Variants in UNG observed in about 807,000 individuals in gnomAD.
The protein encoded by UNG is uracil-DNA glycosylase.
Under a neutral mutation model 36.5 loss-of-function variants are expected in UNG, and 34 were observed. The observed-to-expected ratio is 0.93, with a 90% CI of 0.71 to 1.24. UNG has a LOEUF of 1.24. Among genes scored for constraint, UNG ranks in the 50% most tolerant of loss-of-function variants. The pLI, the probability that UNG is intolerant of heterozygous loss-of-function variation, is 0.00. For synonymous variants in UNG, 172 were observed against 157.8 expected, an observed-to-expected ratio of 1.09 and a Z score of -0.67; for missense variants, 391 against 397.6, an observed-to-expected ratio of 0.98 and a Z score of 0.14.
In UNG at chr12:109,109,971, C is replaced by A. The variant is rs767818599; in HGVS notation, c.*2C>A. 4.3e-5 allele frequency: 70 copies of A among 1,613,988 alleles called. No homozygotes were observed. In the East Asian group the frequency reaches 1.5e-3, roughly 35 times the overall value. On this transcript the variant is annotated 3_prime_UTR_variant, in exon 7 of 7. Transcript: ENST00000242576. ...CCCATTGACTGGAAGGAGCTGTGAT[C>A]ATCAGCTGAGGGGTGGCCTTTGAGA...
At position 109,103,481 on chromosome 12, in the gene UNG, A is replaced by G. The variant is rs1379801075; in HGVS notation, c.671A>G (p.Asn224Ser). Residue 224 changes from asparagine (N) to serine (S), a missense_variant, in exon 6 of 7, where the codon AAC becomes AGC. Physicochemically the swap from Asn to Ser is conservative, Grantham distance 46 (BLOSUM62 1). Transcript: ENST00000242576. ...AVLTVRAHQANSHKERGWEQF... is the reference protein window; with the variant it reads ...AVLTVRAHQASSHKERGWEQF... ...CTCACGGTTCGTGCCCATCAAGCCA[A>G]CTCTCATAAGGAGCGAGGCTGGGAG... 4 of 1,614,078 alleles carry G rather than the reference A, an allele frequency of 2.5e-6. No homozygotes were observed. The highest frequency in any genetic ancestry group is 1.7e-5 in the Admixed American group (1 of 60,018).
Position 109,102,870 on chromosome 12 carries a change from G to A in UNG, c.565G>A (p.Asp189Asn). Residue 189 changes from aspartate to asparagine, a missense_variant, in exon 5 of 7, where the codon GAC becomes AAC. Transcript: ENST00000242576. ...GAACATTTATAAAGAGTTGTCTACA[G>A]ACATAGAGGATTTTGTTCATCCTGG... ...LENIYKELSTDIEDFVHPGHG... is the reference protein window; with the variant it reads ...LENIYKELSTNIEDFVHPGHG... The A allele has an allele frequency of 6.2e-7, 1 of 1,612,472 alleles. No individual in the cohort carries two copies. Among genetic ancestry groups the A allele is most frequent in the Non-Finnish European group, 8.5e-7 (1 of 1,179,270 alleles).
chr12:109,099,415 C>T (rs989556200), intron 3 of UNG, 131 bp downstream of exon 3: 1 of 806,766 alleles, frequency 1.2e-6, no homozygotes, highest in Middle Eastern at 2.6e-4. Flanking sequence ...CGAGGTTTGG[C>T]TGACTGTATT....
Position 109,109,930 on chromosome 12 carries a change from G to A in UNG, c.903G>A (p.Gln301=), listed in dbSNP as rs774834342. ...TTTCAAAGACCAATGAGCTGCTGCAGAAGTCTGGCAAGAAGCCCATTGACT... is the reference window on the plus strand; with the variant it reads ...TTTCAAAGACCAATGAGCTGCTGCAAAAGTCTGGCAAGAAGCCCATTGACT... ...RHFSKTNELL[Q]KSGKKPIDWK... is the part of the protein sequence containing the mutation. The change falls in exon 7 of 7, where the codon CAG becomes CAA. Residue 301 remains glutamine, a synonymous_variant. Transcript: ENST00000242576. 1 of 1,614,184 alleles carries A rather than the reference G, an allele frequency of 6.2e-7. No individual in the cohort carries two copies. The highest frequency in any genetic ancestry group is 8.5e-7 in the Non-Finnish European group (1 of 1,180,050).
intron 6 of UNG, 116 bp downstream of exon 6, chr12:109,103,727 CTT>C (rs2042196799): frequency 3.2e-6 from 4 of 1,238,528 alleles, no homozygotes; most frequent in South Asian, 2.8e-5. Context: ...TATAAAATAA[CTT>C]TTATTTTCCC....
In UNG at chr12:109,098,483, C is replaced by T. The variant is rs2042150948; in HGVS notation, c.184C>T (p.Pro62Ser). ...PAGQEEPGTP[P>S]SSPLSAEQLD... ...TGGGCAGGAGGAGCCTGGGACGCCG[C>T]CCTCCTCGCCGCTGAGTGCCGAGCA... Residue 62 changes from proline (P) to serine (S), a missense_variant, in exon 2 of 7, where the codon CCC becomes TCC. Coordinates refer to ENST00000242576, the MANE Select transcript of UNG (RefSeq NM_080911.3). 1 of 1,612,260 alleles carries T rather than the reference C, an allele frequency of 6.2e-7. No homozygotes were observed. The highest frequency in any genetic ancestry group is 1.3e-5 in the African/African-American group (1 of 75,060).
In UNG at chr12:109,103,453, G is replaced by A. The variant is rs749923592; in HGVS notation, c.643G>A (p.Val215Ile). The stretch of plus-strand genomic sequence containing the variant: ...TATAGGTGTTCTCCTTCTCAACGCT[G>A]TCCTCACGGTTCGTGCCCATCAAGC... ...AKQGVLLLNA[V>I]LTVRAHQANS... is the part of the protein sequence containing the mutation. Residue 215 changes from valine to isoleucine, a missense_variant, in exon 6 of 7, where the codon GTC (valine) becomes ATC (isoleucine). Physicochemically the swap from Val to Ile is conservative, Grantham distance 29. Transcript: ENST00000242576. 6 of 1,614,130 alleles carry A rather than the reference G, an allele frequency of 3.7e-6. No homozygotes were observed. The South Asian group carries it at 6.6e-5, about 18-fold the overall frequency.
At chr12:109,098,160 C>A (rs990432252) in intron 1 of UNG, 7 of 1,366,812 alleles carry the variant, frequency 5.1e-6, no homozygotes, top group South Asian at 1.8e-5. Context: ...CTGGCGGGGG[C>A]GGGGCACCTC....
At chr12:109,106,825 C>T (rs149673619) in intron 6 of UNG, among the ~76,000 whole-genome samples, 4,377 of 110,752 alleles carry the variant, frequency 0.04, 112 homozygotes, top group Non-Finnish European at 0.066. Flanking sequence ...TGAGATCATG[C>T]CACTGCACTC....
chr12:109,108,542 GAGTAAC>G, intron 6 of UNG, among the ~76,000 whole-genome samples: 7 of 152,104 alleles, frequency 4.6e-5, no homozygotes, highest in African/African-American at 1.7e-4. Flanking sequence ...TGAGGTGGGA[GAGTAAC>G]TTGAGCCTAG....
intron 6 of UNG, 65 bp from the exon 7 acceptor site, chr12:109,109,764 A>C (rs1420437855): frequency 6.0e-5 from 23 of 385,592 alleles, no homozygotes; most frequent in Non-Finnish European, 9.3e-5. Context: ...ACTCTGTCTC[A>C]AAAAAAAAAA....
In UNG at chr12:109,110,838, T is replaced by A. The variant is rs902893018; in HGVS notation, c.*869T>A. ...TTTTTAAGAAGTACTCATGCAGATA[T>A]ATATATATATATTTTTCCCAGTCCT... On this transcript the variant is annotated 3_prime_UTR_variant, in exon 7 of 7. Transcript: ENST00000242576. 4 of 152,066 alleles carry A rather than the reference T, an allele frequency of 2.6e-5. No individual in the cohort carries two copies. The allele number at this position is 152,066 out of a possible 1,614,324, so 9.4% of individuals were successfully genotyped here.
intron 6 of UNG, among the ~76,000 whole-genome samples, chr12:109,107,485 G>A (rs950998046): frequency 2.2e-4 from 33 of 148,666 alleles, no homozygotes; most frequent in Admixed American, 6.7e-5. Context: ...GATTACAGGC[G>A]TGAGCTACCA....
chr12:109,106,521 A>G (rs2042215997), intron 6 of UNG, among the ~76,000 whole-genome samples: 1 of 152,152 alleles, frequency 6.6e-6, no homozygotes, highest in African/African-American at 2.4e-5. Context: ...ACTATAGTTG[A>G]TATTTTAAAA....
chr12:109,099,624 TC>T (rs1297098061), intron 3 of UNG, among the ~76,000 whole-genome samples: 1 of 149,460 alleles, frequency 6.7e-6, no homozygotes, highest in Non-Finnish European at 1.5e-5. Context: ...CTTGTTATAG[TC>T]AACCCCACCT....
rs1474412925 is a variant in UNG at position 109,098,236 on chromosome 12, C to G, written c.133-196C>G. ...CATAGGGCGCCTCCCAGCCCGTCTC[C>G]CCGCTCCAGTTTAGAACCTAATTCC... On this transcript the variant is annotated intron_variant, in intron 1 of 6. Coordinates refer to ENST00000242576, the MANE Select transcript of UNG (RefSeq NM_080911.3). 6 of 1,489,140 alleles carry G rather than the reference C, an allele frequency of 4.0e-6. No homozygotes were observed. The African/African-American group carries it at 8.4e-5, about 21-fold the overall frequency. 92.2% of individuals were successfully genotyped at this position (1,489,140 alleles called of 1,614,324 possible).
At position 109,098,054 on chromosome 12, in the gene UNG, G is replaced by T. The variant is rs2042145018; in HGVS notation, c.132+243G>T. On this transcript the variant is annotated intron_variant, in intron 1 of 6. Coordinates refer to ENST00000242576, the MANE Select transcript of UNG (RefSeq NM_080911.3). ...AATCCGCGCGCCGCAGGCCCTCCTG[G>T]CTCGGTGCGCTGTCCAATCAGAGGG... 8 of 1,374,724 alleles carry T rather than the reference G, an allele frequency of 5.8e-6. No individual in the cohort carries two copies. In the South Asian group the frequency reaches 6.9e-5, roughly 12 times the overall value. The allele number at this position is 1,374,724 out of a possible 1,614,324, so 85.2% of individuals were successfully genotyped here.
chr12:109,099,588 A>C (rs1281502751), intron 3 of UNG, among the ~76,000 whole-genome samples: 1 of 151,080 alleles, frequency 6.6e-6, no homozygotes, highest in African/African-American at 2.5e-5. Context: ...TCAAACTGAC[A>C]CACAAAGCAG....
chr12:109,103,470 C>T lies in UNG; in HGVS notation c.660C>T (p.Ala220=), dbSNP rs572632781. The change falls in exon 6 of 7, where the codon GCC becomes GCT. Residue 220 remains alanine, a synonymous_variant. Transcript: ENST00000242576. ...TCAACGCTGTCCTCACGGTTCGTGC[C>T]CATCAAGCCAACTCTCATAAGGAGC... is the stretch of plus-strand genomic sequence containing the variant. ...LLLNAVLTVR[A]HQANSHKERG... 3 of 1,614,046 alleles carry T rather than the reference C, an allele frequency of 1.9e-6. No homozygotes were observed. In the Admixed American group the frequency reaches 5.0e-5, roughly 27 times the overall value.
Sources: gnomAD v4.1 joint callset for allele counts (sites outside exome capture counted in the v4.1 genomes callset) on GRCh38, gnomAD v4.1.1 for gene constraint, MANE v1.5 for transcripts, NCBI Gene and HGNC (gene_info 2026-07-23, HGNC 2026-07-21) for gene names.